SLIT1: variants seen among roughly 807,000 people sequenced by gnomAD.
SLIT1 encodes slit homolog 1 protein.
SLIT1 carries 66 observed loss-of-function variants against 186.1 expected under a neutral mutation model. The observed-to-expected ratio is 0.35, with a 90% CI of 0.29 to 0.44. The LOEUF (loss-of-function observed/expected upper bound fraction) is 0.44, where lower values mean the gene tolerates loss of function less well. Among genes scored for constraint, SLIT1 ranks in the 20% least tolerant of loss-of-function variants. The pLI, the probability that SLIT1 is intolerant of heterozygous loss-of-function variation, is 1.00. For missense variants in SLIT1, 1,638 were observed against 2,037.4 expected (o/e 0.80, Z 3.77); for synonymous variants, 761 against 833.8 (o/e 0.91, Z 1.50).
In SLIT1 at chr10:97,123,651, A is replaced by G. The variant is rs148123259; in HGVS notation, c.413+34167T>C. 2.4e-3 allele frequency among the ~76,000 whole-genome samples: 358 copies of G among 152,174 alleles called. 1 individual carries two copies. The highest frequency in any genetic ancestry group is 5.9e-3 in the African/African-American group (245 of 41,540). On this transcript the variant is annotated intron_variant, in intron 4 of 36. Coordinates refer to ENST00000266058, the MANE Select transcript of SLIT1 (RefSeq NM_003061.3). ...CTAAAAATACAAAAATTAGCTGGGC[A>G]TGGTGGCAGGCGCCTGTAATCCCAG...
intron 11 of SLIT1, among the ~76,000 whole-genome samples, chr10:97,058,550 C>T (rs1277459632): frequency 6.6e-6 from 1 of 152,196 alleles, no homozygotes; most frequent in East Asian, 1.9e-4. Context: ...GTAGGGTGTA[C>T]ACTGCACAAC....
chr10:97,095,758 G>A (rs948814219), intron 4 of SLIT1, among the ~76,000 whole-genome samples: 2 of 152,144 alleles, frequency 1.3e-5, no homozygotes, highest in African/African-American at 4.8e-5. Flanking sequence ...AGAGGCCCTC[G>A]TTTCCTGCAC....
intron 4 of SLIT1, chr10:97,154,237 CA>C (rs931490798): frequency 2.0e-5 from 3 of 152,206 alleles, no homozygotes; most frequent in Admixed American, 6.5e-5. Context: ...GCCCAGACAC[CA>C]GGGACGAACA....
chr10:97,164,739 T>TA, intron 2 of SLIT1, 80 bp downstream of exon 2: 1 of 1,086,384 alleles, frequency 9.2e-7, no homozygotes, highest in Non-Finnish European at 1.4e-6. Context: ...CCCACCACCC[T>TA]ACCACCCACA....
At chr10:97,181,980 ATAACT>A (rs1310925396) in intron 1 of SLIT1, among the ~76,000 whole-genome samples, 1 of 152,234 alleles carries the variant, frequency 6.6e-6, no homozygotes, top group Non-Finnish European at 1.5e-5. Flanking sequence ...GAAGAAAAAA[ATAACT>A]TAATGGTGAC....
chr10:97,052,918 T>C (rs539741446), intron 13 of SLIT1, among the ~76,000 whole-genome samples: 7 of 152,344 alleles, frequency 4.6e-5, no homozygotes, highest in African/African-American at 1.4e-4. Flanking sequence ...TAGATGTGCA[T>C]GAAAGTTCAG....
chr10:97,037,638 C>A (rs1234582952), intron 22 of SLIT1, 60 bp downstream of exon 22: 3 of 1,324,454 alleles, frequency 2.3e-6, no homozygotes, highest in Non-Finnish European at 1.1e-6. Context: ...CCAGGAAAGC[C>A]GGAGTCCTGA....
Position 97,098,288 on chromosome 10 carries a change from G to T in SLIT1, c.414-32202C>A, listed in dbSNP as rs543442396. 2.0e-5 allele frequency among the ~76,000 whole-genome samples: 3 copies of T among 152,338 alleles called. No individual in the cohort carries two copies. The East Asian group carries it at 5.8e-4, about 29-fold the overall frequency. Reference sequence around the variant, plus strand: ...GGACATGTGCTGAGTACCATTTTCTGTTCACAAAAGTCCTACTGCTGCTCC... The same window carrying T: ...GGACATGTGCTGAGTACCATTTTCTTTTCACAAAAGTCCTACTGCTGCTCC... On this transcript the variant is annotated intron_variant, in intron 4 of 36. Transcript: ENST00000266058.
At chr10:97,132,868 G>A (rs1195660715) in intron 4 of SLIT1, among the ~76,000 whole-genome samples, 1 of 152,202 alleles carries the variant, frequency 6.6e-6, no homozygotes, top group Non-Finnish European at 1.5e-5. Context: ...CTTCACAAGA[G>A]GGAGCACAGC....
chr10:97,043,168 G>A lies in SLIT1; in HGVS notation c.1998-101C>T, dbSNP rs1848704401. On this transcript the variant is annotated intron_variant, in intron 19 of 36. Coordinates refer to ENST00000266058, the MANE Select transcript of SLIT1 (RefSeq NM_003061.3). The surrounding 1 kb of genome is among the most constrained non-coding windows in gnomAD (Gnocchi z 7.0). Reference sequence around the variant, plus strand: ...CGGACACAGGGCCACATGGCCACATGGCACTGTCTCCCAGACCACCACCCA... The same window carrying A: ...CGGACACAGGGCCACATGGCCACATAGCACTGTCTCCCAGACCACCACCCA... 1.4e-6 allele frequency: 2 copies of A among 1,395,460 alleles called. No homozygotes were observed. The highest frequency in any genetic ancestry group is 1.3e-5 in the South Asian group (1 of 75,736). 86.4% of individuals were successfully genotyped at this position (1,395,460 alleles called of 1,614,324 possible). A position where few individuals can be genotyped will look rare whatever the true frequency, so the allele number is the denominator to read the frequency against.
intron 4 of SLIT1, among the ~76,000 whole-genome samples, chr10:97,113,384 G>T (rs763188424): frequency 2.7e-5 from 4 of 150,386 alleles, no homozygotes; most frequent in Admixed American, 2.6e-4. Context: ...GATTACAGGC[G>T]TGTACCACCA....
At chr10:97,096,564 G>C (rs1431493578) in intron 4 of SLIT1, among the ~76,000 whole-genome samples, 3 of 152,114 alleles carry the variant, frequency 2.0e-5, no homozygotes, top group Non-Finnish European at 4.4e-5. Context: ...AGCTAAAAAG[G>C]CTTCACGGAG....
At position 97,043,108 on chromosome 10, in the gene SLIT1, C is replaced by A; in HGVS notation, c.1998-41G>T. 1 of 1,597,338 alleles carries A rather than the reference C, an allele frequency of 6.3e-7. No homozygotes were observed. Among genetic ancestry groups the A allele is most frequent in the Non-Finnish European group, 8.5e-7 (1 of 1,170,766 alleles). On this transcript the variant is annotated intron_variant, in intron 19 of 36. Coordinates refer to ENST00000266058, the MANE Select transcript of SLIT1 (RefSeq NM_003061.3). This position sits in a 1 kb window ranked among gnomAD's most constrained non-coding sequence, Gnocchi z 7.0. ...CAGGCGGCCATGGAGACACTCTGCC[C>A]CTCTCAGAGGTCCCAGCAAACCCCT...
chr10:97,043,381 G>C lies in SLIT1; in HGVS notation c.1986C>G (p.Ser662=). 1.2e-6 allele frequency: 2 copies of C among 1,613,552 alleles called. No homozygotes were observed. Among genetic ancestry groups the C allele is most frequent in the Non-Finnish European group, 8.5e-7 (1 of 1,179,994 alleles). ...GAGGCCGGACTCACAGTGTGGAGAG[G>C]GACTGGAGGGTGTCGAAGGCTCCTG... ...VSPGAFDTLQ[S]LSTLNLLANP... The change falls in exon 19 of 37, where the codon TCC becomes TCG. Residue 662 remains serine (S), a synonymous_variant. Coordinates refer to ENST00000266058, the MANE Select transcript of SLIT1 (RefSeq NM_003061.3). The surrounding 1 kb of genome is among the most constrained non-coding windows in gnomAD (Gnocchi z 7.0).
intron 4 of SLIT1, among the ~76,000 whole-genome samples, chr10:97,096,936 C>T (rs1406085195): frequency 1.3e-5 from 2 of 152,278 alleles, no homozygotes; most frequent in South Asian, 2.1e-4. Flanking sequence ...AAATTTAAAC[C>T]GCCCAACCAG....
intron 3 of SLIT1, among the ~76,000 whole-genome samples, chr10:97,162,133 T>C (rs980126513): frequency 6.6e-6 from 1 of 152,250 alleles, no homozygotes; most frequent in Non-Finnish European, 1.5e-5. Flanking sequence ...GTTCCAGTTG[T>C]CTTCTTCCTC....
At chr10:97,171,401 T>C (rs899560664) in intron 1 of SLIT1, among the ~76,000 whole-genome samples, 5 of 152,142 alleles carry the variant, frequency 3.3e-5, no homozygotes, top group Non-Finnish European at 7.3e-5. Flanking sequence ...ACATTCACCT[T>C]GGCCCCTCTC....
chr10:97,011,969 C>G (rs1848414596), intron 30 of SLIT1, among the ~76,000 whole-genome samples: 1 of 152,074 alleles, frequency 6.6e-6, no homozygotes, highest in Non-Finnish European at 1.5e-5. Context: ...ACTCCTAACT[C>G]TGAAGCTCAA....
At chr10:97,002,027 G>T in intron 36 of SLIT1, 131 bp downstream of exon 36, 1 of 528,702 alleles carries the variant, frequency 1.9e-6, no homozygotes, top group Non-Finnish European at 3.2e-6. Context: ...GACTCTGAAA[G>T]CCCCATAGTA....
Sources: gnomAD v4.1 joint callset for allele counts (sites outside exome capture counted in the v4.1 genomes callset) on GRCh38, gnomAD v4.1.1 for gene constraint, Gnocchi (gnomAD v3.1) non-coding constraint, MANE v1.5 for transcripts, NCBI Gene and HGNC (gene_info 2026-07-23, HGNC 2026-07-21) for gene names.